NRG2: variants seen among roughly 807,000 people sequenced by gnomAD.
The protein encoded by NRG2 is neuregulin 2.
NRG2 carries 27 observed loss-of-function variants against 73.9 expected under a neutral mutation model. That is an observed-to-expected ratio of 0.37 (90% confidence interval 0.27 to 0.50). The LOEUF (loss-of-function observed/expected upper bound fraction) is 0.50, where lower values mean the gene tolerates loss of function less well. Among genes scored for constraint, NRG2 ranks in the 20% least tolerant of loss-of-function variants. The probability of loss-of-function intolerance (pLI) is 0.96; values close to 1 mark genes in which losing one functional copy is unlikely to be tolerated. For synonymous variants in NRG2, 532 were observed against 541.0 expected, an observed-to-expected ratio of 0.98 and a Z score of 0.23; for missense variants, 1,126 against 1,210.1, an observed-to-expected ratio of 0.93 and a Z score of 1.03.
At chr5:140,032,407 CTAT>C (rs1379459352) in intron 1 of NRG2, among the ~76,000 whole-genome samples, 1 of 151,838 alleles carries the variant, frequency 6.6e-6, no homozygotes, top group East Asian at 1.9e-4. Context: ...AAACTATGGA[CTAT>C]TGAGAGAAAA....
chr5:140,037,470 C>A (rs2126705935), intron 1 of NRG2, among the ~76,000 whole-genome samples: 1 of 152,250 alleles, frequency 6.6e-6, no homozygotes, highest in African/African-American at 2.4e-5. Context: ...TTAATAGATA[C>A]TTGAGATAGA....
At chr5:139,918,113 A>C (rs1448228692) in intron 1 of NRG2, among the ~76,000 whole-genome samples, 5 of 152,244 alleles carry the variant, frequency 3.3e-5, no homozygotes, top group African/African-American at 1.2e-4. Context: ...CCATTGTCCC[A>C]GCACAATTGT....
chr5:140,034,885 T>G (rs1761394748), intron 1 of NRG2, among the ~76,000 whole-genome samples: 1 of 152,166 alleles, frequency 6.6e-6, no homozygotes, highest in Non-Finnish European at 1.5e-5. Flanking sequence ...ACTACTTACA[T>G]AATTAAGAAT....
In NRG2 at chr5:139,974,524, G is replaced by A. The variant is rs146880766; in HGVS notation, c.700+67846C>T. 7.3e-4 allele frequency among the ~76,000 whole-genome samples: 111 copies of A among 152,240 alleles called. 1 individual carries two copies. The highest frequency in any genetic ancestry group is 2.6e-3 in the African/African-American group (106 of 41,520). On this transcript the variant is annotated intron_variant, in intron 1 of 9. Transcript: ENST00000361474. ...ATGATGAGCTGCCACCTAGACCATC[G>A]AACAGCAAGGTGTCAGGTAAGACAT... is the stretch of plus-strand genomic sequence containing the variant.
intron 5 of NRG2, among the ~76,000 whole-genome samples, chr5:139,860,522 G>A (rs891005897): frequency 1.3e-5 from 2 of 152,104 alleles, no homozygotes; most frequent in Non-Finnish European, 2.9e-5. Context: ...AAGAGGAAGA[G>A]GATGAGGCTC....
At chr5:139,938,945 GAA>G (rs1561694038) in intron 1 of NRG2, among the ~76,000 whole-genome samples, 1 of 107,572 alleles carries the variant, frequency 9.3e-6, no homozygotes, top group South Asian at 3.1e-4. Context: ...AAGAAAGAAA[GAA>G]AGAAAGAAAG....
rs113122642 is a variant in NRG2 at position 140,023,889 on chromosome 5, G to T, written c.700+18481C>A. On this transcript the variant is annotated intron_variant, in intron 1 of 9. Coordinates refer to ENST00000361474, the MANE Select transcript of NRG2 (RefSeq NM_004883.3). ...TTCGCCCAGCCCTGTAGCAAAATTG[G>T]TTTCTCGGGAATATCAAAGAGACCA... 4.6e-5 allele frequency among the ~76,000 whole-genome samples: 7 copies of T among 152,264 alleles called. 2 individuals carry two copies. Among genetic ancestry groups the T allele is most frequent in the African/African-American group, 1.7e-4 (7 of 41,546 alleles).
At position 139,852,000 on chromosome 5, in the gene NRG2, T is replaced by C. The variant is rs1439511290; in HGVS notation, c.1545-169A>G. ...TTGTTGCAAATGCCCAACCCCAATA[T>C]TGGAAGAAGGAGGGCTGGGGTCCCA... On this transcript the variant is annotated intron_variant, in intron 8 of 9. Transcript: ENST00000361474. This position sits in a 1 kb window ranked among gnomAD's most constrained non-coding sequence, Gnocchi z 4.2. Among the ~76,000 whole-genome samples, 2 of 152,152 alleles carry C rather than the reference T, an allele frequency of 1.3e-5. No homozygotes were observed. Among genetic ancestry groups the C allele is most frequent in the Non-Finnish European group, 2.9e-5 (2 of 68,018 alleles).
At position 139,918,820 on chromosome 5, in the gene NRG2, G is replaced by T. The variant is rs180838301; in HGVS notation, c.701-31309C>A. ...TTTAGTCATCATGGCAAGCAAGACT[G>T]CTAGAGAGAAAGTGTAGACAGAGGA... is the stretch of plus-strand genomic sequence containing the variant. On this transcript the variant is annotated intron_variant, in intron 1 of 9. Transcript: ENST00000361474. Among the ~76,000 whole-genome samples the T allele has an allele frequency of 5.1e-4, 78 of 152,254 alleles. 1 individual carries two copies. Among genetic ancestry groups the T allele is most frequent in the Admixed American group, 2.7e-3 (42 of 15,294 alleles).
In NRG2 at chr5:139,874,931, CT is replaced by C. The variant is rs150374773; in HGVS notation, c.992-3091del. Reference sequence around the variant, plus strand: ...CTGACTTCTTAAGCTGGTCAGGCTCCTCCCTTATTCCCTCGCTTAGCTTCAT... The same window carrying C: ...CTGACTTCTTAAGCTGGTCAGGCTCCCCCTTATTCCCTCGCTTAGCTTCAT... On this transcript the variant is annotated intron_variant, in intron 3 of 9. Coordinates refer to ENST00000361474, the MANE Select transcript of NRG2 (RefSeq NM_004883.3). Among the ~76,000 whole-genome samples, 443 of 152,346 alleles carry C rather than the reference CT, an allele frequency of 2.9e-3. 1 individual carries two copies. Among genetic ancestry groups the C allele is most frequent in the African/African-American group, 0.01 (419 of 41,568 alleles).
rs1467638406 is a variant in NRG2 at position 139,887,724 on chromosome 5, G to C, written c.701-213C>G. Reference sequence around the variant, plus strand: ...CATCAATGTAGTTATAACTTATGGAGAGTTTCCTTCATGCCTTGAATGGTA... The same window carrying C: ...CATCAATGTAGTTATAACTTATGGACAGTTTCCTTCATGCCTTGAATGGTA... On this transcript the variant is annotated intron_variant, in intron 1 of 9. Transcript: ENST00000361474. The surrounding 1 kb of genome is among the most constrained non-coding windows in gnomAD (Gnocchi z 4.5). 3.3e-5 allele frequency among the ~76,000 whole-genome samples: 5 copies of C among 152,148 alleles called. No individual in the cohort carries two copies. Among genetic ancestry groups the C allele is most frequent in the Non-Finnish European group, 7.3e-5 (5 of 68,038 alleles).
chr5:140,005,129 G>A (rs575527139), intron 1 of NRG2, among the ~76,000 whole-genome samples: 3 of 152,226 alleles, frequency 2.0e-5, no homozygotes, highest in South Asian at 4.2e-4. Context: ...CCTAAAAAAT[G>A]TCTATTAGGT....
intron 1 of NRG2, among the ~76,000 whole-genome samples, chr5:139,926,567 T>C (rs1752077390): frequency 6.6e-6 from 1 of 152,112 alleles, no homozygotes; most frequent in East Asian, 1.9e-4. Flanking sequence ...AGTGTGCTGC[T>C]GAGTAAGAAT....
At chr5:139,897,188 T>C (rs960854516) in intron 1 of NRG2, among the ~76,000 whole-genome samples, 3 of 152,238 alleles carry the variant, frequency 2.0e-5, no homozygotes, top group Non-Finnish European at 2.9e-5. Flanking sequence ...CGGATGCCAC[T>C]GTGCATTCTG....
chr5:139,943,301 C>G (rs981833933), intron 1 of NRG2, among the ~76,000 whole-genome samples: 16 of 152,040 alleles, frequency 1.1e-4, no homozygotes, highest in African/African-American at 3.4e-4. Flanking sequence ...CGCGTACCAC[C>G]ATGCCTGGCT....
intron 1 of NRG2, among the ~76,000 whole-genome samples, chr5:139,922,944 T>C (rs1751781965): frequency 6.6e-6 from 1 of 152,066 alleles, no homozygotes; most frequent in South Asian, 2.1e-4. Flanking sequence ...TGCCAGAGGT[T>C]GAGGGGAGGG....
rs1348134643 is a variant in NRG2 at position 139,871,910 on chromosome 5, T to C, written c.992-69A>G. The stretch of plus-strand genomic sequence containing the variant: ...CCCTAGGCCCCAGGAATCATCTCCT[T>C]CATGCCCCACGTCAAAACTGGAAGA... On this transcript the variant is annotated intron_variant, in intron 3 of 9. Coordinates refer to ENST00000361474, the MANE Select transcript of NRG2 (RefSeq NM_004883.3). 3 of 1,567,920 alleles carry C rather than the reference T, an allele frequency of 1.9e-6. No homozygotes were observed. In the Admixed American group the frequency reaches 5.3e-5, roughly 28 times the overall value.
chr5:139,882,375 C>T (rs536859378), intron 2 of NRG2, among the ~76,000 whole-genome samples: 1 of 152,292 alleles, frequency 6.6e-6, no homozygotes, highest in African/African-American at 2.4e-5. Flanking sequence ...AACAAGGGTG[C>T]TACAAGATGG....
chr5:139,992,277 G>A lies in NRG2; in HGVS notation c.700+50093C>T, dbSNP rs537227394. Among the ~76,000 whole-genome samples, 4 of 152,196 alleles carry A rather than the reference G, an allele frequency of 2.6e-5. 1 individual carries two copies. The East Asian group carries it at 5.8e-4, about 22-fold the overall frequency. ...AAATGCGTCTGCTCTTTAATTATGTGTTTTAGTTTGCTGTTGGTATATAGA... is the reference window on the plus strand; with the variant it reads ...AAATGCGTCTGCTCTTTAATTATGTATTTTAGTTTGCTGTTGGTATATAGA... On this transcript the variant is annotated intron_variant, in intron 1 of 9. Coordinates refer to ENST00000361474, the MANE Select transcript of NRG2 (RefSeq NM_004883.3).
Sources: gnomAD v4.1 joint callset for allele counts (sites outside exome capture counted in the v4.1 genomes callset) on GRCh38, gnomAD v4.1.1 for gene constraint, Gnocchi (gnomAD v3.1) non-coding constraint, MANE v1.5 for transcripts, NCBI Gene and HGNC (gene_info 2026-07-23, HGNC 2026-07-21) for gene names.